Variants in SLC9A9 observed in about 807,000 individuals in gnomAD.
The protein encoded by SLC9A9 is sodium/hydrogen exchanger 9.
In SLC9A9, 62 loss-of-function variants were observed where a neutral mutation model predicts 77.8. The ratio of observed to expected loss-of-function variants is 0.80; its 90% CI spans 0.65 to 0.98. SLC9A9 has a LOEUF of 0.98. Among genes scored for constraint, SLC9A9 ranks in the 50% least tolerant of loss-of-function variants. SLC9A9 has a pLI of 0.00. For synonymous variants in SLC9A9, 320 were observed against 283.5 expected, an observed-to-expected ratio of 1.13 and a Z score of -1.29; for missense variants, 775 against 774.9, an observed-to-expected ratio of 1.00 and a Z score of 0.00.
chr3:143,524,609 C>A (rs1451937919), intron 9 of SLC9A9, among the ~76,000 whole-genome samples: 1 of 152,126 alleles, frequency 6.6e-6, no homozygotes, highest in East Asian at 1.9e-4. Flanking sequence ...TTCAGACTTT[C>A]CAGAGCCCCT....
chr3:143,501,672 A>G (rs1431027971), intron 9 of SLC9A9, among the ~76,000 whole-genome samples: 1 of 150,992 alleles, frequency 6.6e-6, no homozygotes, highest in Non-Finnish European at 1.5e-5. Context: ...GGTTGTTGGC[A>G]TTTTAAAAAA....
At chr3:143,287,228 T>C (rs1938405639) in intron 14 of SLC9A9, among the ~76,000 whole-genome samples, 1 of 152,196 alleles carries the variant, frequency 6.6e-6, no homozygotes, top group Non-Finnish European at 1.5e-5. Flanking sequence ...CAAAAGCTGA[T>C]AACATTCCCT....
rs1006379160 is a variant in SLC9A9 at position 143,335,232 on chromosome 3, C to T, written c.1604+28252G>A. Reference sequence around the variant, plus strand: ...AAAGAATCAAATACTTAGAAATAAACATAACCAAGGAGGAGACTTGTACAT... The same window carrying T: ...AAAGAATCAAATACTTAGAAATAAATATAACCAAGGAGGAGACTTGTACAT... On this transcript the variant is annotated intron_variant, in intron 14 of 15. Coordinates refer to ENST00000316549, the MANE Select transcript of SLC9A9 (RefSeq NM_173653.4). 1.3e-5 allele frequency among the ~76,000 whole-genome samples: 2 copies of T among 152,102 alleles called. 1 individual carries two copies. The highest frequency in any genetic ancestry group is 4.1e-4 in the South Asian group (2 of 4,826).
intron 5 of SLC9A9, among the ~76,000 whole-genome samples, chr3:143,670,273 T>C (rs1339307280): frequency 2.6e-5 from 4 of 152,192 alleles, no homozygotes; most frequent in Non-Finnish European, 2.9e-5. Flanking sequence ...TCTCCAGATG[T>C]GGAATGTGTA....
At chr3:143,595,180 G>A (rs563501079) in intron 6 of SLC9A9, among the ~76,000 whole-genome samples, 221 of 152,350 alleles carry the variant, frequency 1.5e-3, no homozygotes, top group Non-Finnish European at 2.4e-3. Flanking sequence ...CATCAGCAGA[G>A]GCTCTGAGTG....
At chr3:143,730,036 C>T (rs1934760087) in intron 4 of SLC9A9, among the ~76,000 whole-genome samples, 1 of 152,208 alleles carries the variant, frequency 6.6e-6, no homozygotes, top group East Asian at 1.9e-4. Flanking sequence ...ATAACTTGTT[C>T]TCCAAACCAT....
At chr3:143,566,872 G>C (rs571184561) in intron 8 of SLC9A9, among the ~76,000 whole-genome samples, 5 of 152,188 alleles carry the variant, frequency 3.3e-5, no homozygotes, top group African/African-American at 9.6e-5. Context: ...TCTCAGCTGG[G>C]AAACAGATTA....
chr3:143,767,370 C>CTGTGTGTGTGTG (rs1304114618), intron 4 of SLC9A9, among the ~76,000 whole-genome samples: 16 of 117,584 alleles, frequency 1.4e-4, no homozygotes, highest in African/African-American at 6.7e-4. Flanking sequence ...CAGTAAGTGT[C>CTGTGTGTGTGTG]TGTGTATGTG....
intron 14 of SLC9A9, among the ~76,000 whole-genome samples, chr3:143,317,588 A>G (rs1248193843): frequency 6.6e-6 from 1 of 152,200 alleles, no homozygotes; most frequent in Admixed American, 6.5e-5. Flanking sequence ...TCCTCTGGCT[A>G]CAGGGATAAG....
At chr3:143,600,493 T>C (rs899794246) in intron 6 of SLC9A9, among the ~76,000 whole-genome samples, 3 of 152,206 alleles carry the variant, frequency 2.0e-5, no homozygotes, top group African/African-American at 7.2e-5. Flanking sequence ...CAAGTAGAAC[T>C]CATTAATTTA....
intron 9 of SLC9A9, among the ~76,000 whole-genome samples, chr3:143,545,808 T>G (rs1186284496): frequency 6.6e-6 from 1 of 152,214 alleles, no homozygotes; most frequent in Non-Finnish European, 1.5e-5. Flanking sequence ...TGAAATGGTG[T>G]ACCCAGTGAT....
chr3:143,667,180 C>G (rs967445422), intron 5 of SLC9A9, among the ~76,000 whole-genome samples: 3 of 152,086 alleles, frequency 2.0e-5, no homozygotes, highest in Admixed American at 6.5e-5. Context: ...TAATACCACA[C>G]ATCTACAACC....
chr3:143,465,142 C>T (rs1213191582), intron 12 of SLC9A9, among the ~76,000 whole-genome samples: 2 of 152,230 alleles, frequency 1.3e-5, no homozygotes, highest in African/African-American at 4.8e-5. Flanking sequence ...CCTGCTGGGG[C>T]ATCGCCATGA....
At chr3:143,444,729 C>T (rs2034811119) in intron 12 of SLC9A9, among the ~76,000 whole-genome samples, 1 of 152,162 alleles carries the variant, frequency 6.6e-6, no homozygotes, top group Admixed American at 6.5e-5. Context: ...TCTTATTTTC[C>T]TTCTCTTCCT....
rs548739368 is a variant in SLC9A9 at position 143,574,149 on chromosome 3, G to C, written c.939C>G (p.Thr313=). ...TCCAAGAAAGCAGGAAAAACAGGCC[G>C]GTTTCCAGCATCGGGAACTCACACA... ...TKLCEFPMLE[T]GLFFLLSWSA... is the part of the protein sequence containing the mutation. The change falls in exon 8 of 16, where the codon ACC becomes ACG. Residue 313 remains threonine (T), a synonymous_variant. Transcript: ENST00000316549. 5 of 1,613,470 alleles carry C rather than the reference G, an allele frequency of 3.1e-6. No homozygotes were observed. The South Asian group carries it at 5.5e-5, about 18-fold the overall frequency.
intron 12 of SLC9A9, among the ~76,000 whole-genome samples, chr3:143,427,674 CA>C (rs1181812663): frequency 1.3e-5 from 2 of 152,224 alleles, no homozygotes; most frequent in Non-Finnish European, 2.9e-5. Flanking sequence ...TAAAGGGCCA[CA>C]AGGCAATGGT....
intron 9 of SLC9A9, among the ~76,000 whole-genome samples, chr3:143,508,161 A>C (rs1387811451): frequency 1.3e-5 from 2 of 152,328 alleles, no homozygotes. Context: ...CAACTGTTTA[A>C]GACATGACTG....
In SLC9A9 at chr3:143,752,733, C is replaced by T. The variant is rs573658577; in HGVS notation, c.533+42268G>A. Reference sequence around the variant, plus strand: ...TAGATGCTCTGAAAAGGGCTTTGTACTGAGCTTAAGGCAGCTCAGTTTAGC... The same window carrying T: ...TAGATGCTCTGAAAAGGGCTTTGTATTGAGCTTAAGGCAGCTCAGTTTAGC... On this transcript the variant is annotated intron_variant, in intron 4 of 15. Coordinates refer to ENST00000316549, the MANE Select transcript of SLC9A9 (RefSeq NM_173653.4). Among the ~76,000 whole-genome samples the T allele has an allele frequency of 4.7e-5, 7 of 148,508 alleles. No individual in the cohort carries two copies. The South Asian group carries it at 1.5e-3, about 32-fold the overall frequency.
At chr3:143,683,082 G>T (rs1039169103) in intron 5 of SLC9A9, among the ~76,000 whole-genome samples, 7 of 152,066 alleles carry the variant, frequency 4.6e-5, no homozygotes, top group African/African-American at 1.7e-4. Flanking sequence ...ATGGAATTGT[G>T]GTTATGTTTA....
Sources: allele counts gnomAD v4.1 joint callset (sites outside exome capture counted in the v4.1 genomes callset), GRCh38; gene constraint gnomAD v4.1.1; transcripts MANE v1.5; gene names NCBI Gene and HGNC (gene_info 2026-07-23, HGNC 2026-07-21).